PRELID2: variants seen among roughly 807,000 people sequenced by gnomAD.
PRELID2 encodes the protein PRELI domain containing 2.
A neutral mutation model predicts 28.4 loss-of-function variants in PRELID2; 25 were observed. The observed-to-expected ratio is 0.88, with a 90% CI of 0.64 to 1.23. PRELID2 has a LOEUF of 1.23. Among genes scored for constraint, PRELID2 ranks in the 50% most tolerant of loss-of-function variants. The pLI, the probability that PRELID2 is intolerant of heterozygous loss-of-function variation, is 0.00. For synonymous variants in PRELID2, 76 were observed against 71.6 expected (o/e 1.06, Z -0.31); for missense variants, 201 against 214.4 (o/e 0.94, Z 0.39).
At chr5:145,434,321 T>C in the PRELID2 span, among the ~76,000 whole-genome samples, 1 of 152,212 alleles carries the variant, frequency 6.6e-6, no homozygotes, top group Non-Finnish European at 1.5e-5. Context: ...TTCCAATCCA[T>C]GAGTATTCAT....
chr5:145,728,982 G>T, intron 1 of PRELID2: 2 of 749,818 alleles, frequency 2.7e-6, no homozygotes, highest in South Asian at 1.4e-5. Flanking sequence ...CACAATCTGA[G>T]GATCAGAGGG....
chr5:145,817,421 T>TTATATATATATATATATATATA (rs6149278), intron 4 of PRELID2, among the ~76,000 whole-genome samples: 37 of 103,590 alleles, frequency 3.6e-4, no homozygotes, highest in African/African-American at 1.1e-3. Context: ...TAAGCTAGTT[T>TTATATATATATATATATATATA]TATATATATA....
chr5:145,352,501 C>T, the PRELID2 span, among the ~76,000 whole-genome samples: 8 of 152,144 alleles, frequency 5.3e-5, no homozygotes, highest in Admixed American at 4.6e-4. Flanking sequence ...GCCCCTGGGT[C>T]CAAACCAGGA....
intron 1 of PRELID2, among the ~76,000 whole-genome samples, chr5:145,712,813 T>C (rs1176391398): frequency 2.6e-5 from 4 of 151,992 alleles, no homozygotes; most frequent in Admixed American, 2.0e-4. Flanking sequence ...CAGTGGGCTA[T>C]TTCAGCAGAG....
rs1554096046 is a variant in PRELID2 at position 145,796,474 on chromosome 5, C to T, written c.442G>A (p.Ala148Thr). 1.2e-6 allele frequency: 2 copies of T among 1,610,388 alleles called. No homozygotes were observed. Among genetic ancestry groups the T allele is most frequent in the Admixed American group, 3.4e-5 (2 of 59,650 alleles). Reference protein sequence around the residue: ...GFLNCVLETFASTFLRQGAQK... With the variant: ...GFLNCVLETFTSTFLRQGAQK... ...GCTCCCTGTCGTAAGAATGTGCTGG[C>T]AAAAGTTTCTAAAACACAGTTGAGA... The change falls in exon 5 of 7, where the codon GCC becomes ACC. Residue 148 changes from alanine (A) to threonine (T), a missense_variant. Coordinates refer to ENST00000683046, the MANE Select transcript of PRELID2 (RefSeq NM_205846.3).
the PRELID2 span, among the ~76,000 whole-genome samples, chr5:145,257,152 C>T: frequency 3.3e-5 from 5 of 151,882 alleles, no homozygotes; most frequent in East Asian, 1.9e-4. Context: ...GCTATTGACT[C>T]TTTAAGGAGA....
chr5:145,726,095 C>G (rs989323239), intron 1 of PRELID2, among the ~76,000 whole-genome samples: 1 of 151,576 alleles, frequency 6.6e-6, no homozygotes, highest in African/African-American at 2.4e-5. Context: ...CTTGAGCCCA[C>G]GAGATGGAGG....
intron 1 of PRELID2, among the ~76,000 whole-genome samples, chr5:145,686,455 C>G (rs1213573819): frequency 6.6e-6 from 1 of 152,110 alleles, no homozygotes; most frequent in Non-Finnish European, 1.5e-5. Context: ...GCAACAAGAT[C>G]TAAACAGGGG....
At chr5:145,375,794 A>G in the PRELID2 span, among the ~76,000 whole-genome samples, 1 of 152,202 alleles carries the variant, frequency 6.6e-6, no homozygotes, top group Admixed American at 6.5e-5. Context: ...TTGGCAACAC[A>G]TCTTGGGGCC....
At chr5:145,360,437 G>A in the PRELID2 span, among the ~76,000 whole-genome samples, 2 of 151,996 alleles carry the variant, frequency 1.3e-5, no homozygotes, top group African/African-American at 4.8e-5. Flanking sequence ...AAAGACGAAG[G>A]TCCAGCAAGA....
intron 1 of PRELID2, among the ~76,000 whole-genome samples, chr5:145,595,331 G>T (rs1460630406): frequency 6.6e-6 from 1 of 152,064 alleles, no homozygotes; most frequent in East Asian, 1.9e-4. Context: ...AATACCAAGA[G>T]AGAAAGCAAA....
chr5:145,573,097 G>T (rs1322047964), intron 1 of PRELID2, among the ~76,000 whole-genome samples: 2 of 152,126 alleles, frequency 1.3e-5, no homozygotes, highest in Admixed American at 1.3e-4. Flanking sequence ...CCCAAGGAAA[G>T]TTCACATATT....
At chr5:145,783,997 G>A (rs1192079296) in intron 5 of PRELID2, among the ~76,000 whole-genome samples, 2 of 152,058 alleles carry the variant, frequency 1.3e-5, no homozygotes, top group African/African-American at 4.8e-5. Context: ...GGCTTGGAGG[G>A]GGGCTGGGGC....
chr5:145,510,800 A>G (rs1347347806), intron 1 of PRELID2, among the ~76,000 whole-genome samples: 2 of 152,192 alleles, frequency 1.3e-5, no homozygotes, highest in African/African-American at 2.4e-5. Flanking sequence ...GTGTCCTGTC[A>G]TCTAATCTTC....
At chr5:145,466,328 G>A in the PRELID2 span, among the ~76,000 whole-genome samples, 1 of 152,014 alleles carries the variant, frequency 6.6e-6, no homozygotes, top group East Asian at 1.9e-4. Context: ...TTTTCATTAT[G>A]AGTAATAAAA....
chr5:145,408,077 G>T, the PRELID2 span, among the ~76,000 whole-genome samples: 1 of 151,956 alleles, frequency 6.6e-6, no homozygotes, highest in Non-Finnish European at 1.5e-5. Flanking sequence ...CTCTCAGAAA[G>T]CCCCATCTCT....
the PRELID2 span, among the ~76,000 whole-genome samples, chr5:145,390,090 C>T: frequency 9.2e-5 from 14 of 152,238 alleles, no homozygotes; most frequent in Admixed American, 6.5e-4. Context: ...ATACAATAAA[C>T]AGAATTCTGA....
chr5:145,265,089 T>A, the PRELID2 span, among the ~76,000 whole-genome samples: 1 of 151,322 alleles, frequency 6.6e-6, no homozygotes, highest in Non-Finnish European at 1.5e-5. Context: ...CTAGAACTGG[T>A]AAATTAACTC....
the PRELID2 span, among the ~76,000 whole-genome samples, chr5:145,403,559 C>T: frequency 1.3e-5 from 2 of 152,172 alleles, no homozygotes; most frequent in African/African-American, 4.8e-5. Flanking sequence ...GAACTCAATT[C>T]CCCTTCCCAG....
Sources: gnomAD v4.1 joint callset for allele counts (sites outside exome capture counted in the v4.1 genomes callset) on GRCh38, gnomAD v4.1.1 for gene constraint, MANE v1.5 for transcripts, NCBI Gene and HGNC (gene_info 2026-07-23, HGNC 2026-07-21) for gene names.